ERCC5: variants seen among roughly 807,000 people sequenced by gnomAD.
ERCC5 encodes ERCC excision repair 5, endonuclease, also known as DNA excision repair protein ERCC-5.
A neutral mutation model predicts 105.6 loss-of-function variants in ERCC5; 68 were observed. That is an observed-to-expected ratio of 0.64 (90% CI 0.53 to 0.79). The LOEUF (loss-of-function observed/expected upper bound fraction) is 0.79, where lower values mean the gene tolerates loss of function less well. ERCC5 is among the 30% of genes least tolerant of loss of function. ERCC5 has a pLI of 0.00. For missense variants in ERCC5, 1,373 were observed against 1,426.7 expected (o/e 0.96, Z 0.61); for synonymous variants, 546 against 526.2 (o/e 1.04, Z -0.51).
In ERCC5 at chr13:102,853,885, T is replaced by C. The variant is rs761971446; in HGVS notation, c.380+13T>C. ...TCAGAAGCAAAAGGCAAGAGGAAAA[T>C]TATAGTCGTGTTAGAGATGAAGTTT... On this transcript the variant is annotated intron_variant, in intron 3 of 14. Transcript: ENST00000652225. 6.2e-7 allele frequency: 1 copy of C among 1,611,078 alleles called. No homozygotes were observed. The highest frequency in any genetic ancestry group is 1.3e-5 in the African/African-American group (1 of 74,814).
chr13:102,849,286 A>G (rs1380695261), intron 1 of ERCC5: 2 of 518,234 alleles, frequency 3.9e-6, no homozygotes, highest in Admixed American at 3.9e-5. Flanking sequence ...TGGTTTCCTT[A>G]TAATCTGTTC....
At chr13:102,846,617 A>G (rs1057372404) in intron 1 of ERCC5, among the ~76,000 whole-genome samples, 1 of 152,158 alleles carries the variant, frequency 6.6e-6, no homozygotes, top group African/African-American at 2.4e-5. Context: ...TTTGCATATA[A>G]ACTACCCACT....
At chr13:102,860,141 A>C (rs1257303820) in intron 6 of ERCC5, among the ~76,000 whole-genome samples, 2 of 152,182 alleles carry the variant, frequency 1.3e-5, no homozygotes, top group African/African-American at 4.8e-5. Context: ...TATTTGACTT[A>C]ATGATGGCAC....
At position 102,856,103 on chromosome 13, in the gene ERCC5, A is replaced by G. The variant is rs754604389; in HGVS notation, c.519A>G (p.Gln173=). ...GGCAAGAAAGAATGAATCAAAAACA[A>G]GCATTACAGGTATTTAGATCATTTT... The part of the protein sequence containing the change: ...KEWQERMNQK[Q]ALQEEFFHNP... The change falls in exon 5 of 15, where the codon CAA becomes CAG. Residue 173 remains glutamine (Q), a synonymous_variant. Coordinates refer to ENST00000652225, the MANE Select transcript of ERCC5 (RefSeq NM_000123.4). 3.1e-6 allele frequency: 5 copies of G among 1,613,694 alleles called. No individual in the cohort carries two copies.
chr13:102,851,652 A>G (rs2140516752), intron 1 of ERCC5, among the ~76,000 whole-genome samples: 1 of 152,306 alleles, frequency 6.6e-6, no homozygotes, highest in African/African-American at 2.4e-5. Context: ...TTATATTTTC[A>G]TTATTATAAA....
At position 102,875,356 on chromosome 13, in the gene ERCC5, A is replaced by C; in HGVS notation, c.3014A>C (p.Glu1005Ala). Residue 1005 changes from glutamate (E) to alanine (A), a missense_variant, in exon 15 of 15, where the codon GAA becomes GCA. Physicochemically the swap from Glu to Ala is moderately radical, Grantham distance 107. Transcript: ENST00000652225. ...TTTAGATTAGCACAACAGGAGAAAGAAGATGCTAAACGTATTAAGAGCCAG... is the reference window on the plus strand; with the variant it reads ...TTTAGATTAGCACAACAGGAGAAAGCAGATGCTAAACGTATTAAGAGCCAG... Reference protein sequence around the residue: ...SFFRLAQQEKEDAKRIKSQRL... With the variant: ...SFFRLAQQEKADAKRIKSQRL... 1 of 1,614,012 alleles carries C rather than the reference A, an allele frequency of 6.2e-7. No individual in the cohort carries two copies. The highest frequency in any genetic ancestry group is 8.5e-7 in the Non-Finnish European group (1 of 1,180,008).
In ERCC5 at chr13:102,875,595, G is replaced by A. The variant is rs760907430; in HGVS notation, c.3253G>A (p.Gly1085Ser). ...AGATTCTAAAGGAAAGAATACATGC[G>A]GTGGATTTTTGGGGGAGACCTGCCT... Reference protein sequence around the residue: ...LSDSKGKNTCGGFLGETCLSE... With the variant: ...LSDSKGKNTCSGFLGETCLSE... The change falls in exon 15 of 15, where the codon GGT becomes AGT. Residue 1085 changes from glycine to serine, a missense_variant. Around this residue, in one of 3 missense-constraint regions of ERCC5, gnomAD observed 367 missense variants for 350.2 expected, o/e 1.05. Transcript: ENST00000652225. 1.8e-5 allele frequency: 29 copies of A among 1,613,442 alleles called. No individual in the cohort carries two copies. Among genetic ancestry groups the A allele is most frequent in the East Asian group, 1.1e-4 (5 of 44,888 alleles).
chr13:102,849,035 T>C (rs1315938969), intron 1 of ERCC5: 2 of 428,804 alleles, frequency 4.7e-6, no homozygotes, highest in African/African-American at 4.1e-5. Flanking sequence ...CTAGATTTCC[T>C]CACTGAAGTT....
Position 102,861,536 on chromosome 13 carries a change from C to T in ERCC5, c.702C>T (p.Leu234=). The change falls in exon 7 of 15, where the codon CTC becomes CTT. Residue 234 remains leucine, a synonymous_variant. Transcript: ENST00000652225. ...CTGATGACTTTTCACAGTACCAACT[C>T]AAAGGCTTGCTTAAAAAGAACTATC... ...EESDDFSQYQ[L]KGLLKKNYLN... is the part of the protein sequence containing the mutation. The T allele has an allele frequency of 6.2e-7, 1 of 1,614,088 alleles. No individual in the cohort carries two copies. The highest frequency in any genetic ancestry group is 1.1e-5 in the South Asian group (1 of 91,078).
chr13:102,868,764 C>T (rs3783236), intron 12 of ERCC5, among the ~76,000 whole-genome samples: 62,893 of 152,088 alleles, frequency 0.41, 13,825 homozygotes, highest in East Asian at 0.75. Flanking sequence ...TGTTTCTCAC[C>T]ATGTGAATCC....
In ERCC5 at chr13:102,873,318, T is replaced by C. The variant is rs1033861973; in HGVS notation, c.2939T>C (p.Val980Ala). ...RTKTDESLFP[V>A]LKQLDAQQTQ... is the part of the protein sequence containing the mutation. Reference sequence around the variant, plus strand: ...AAGACAGATGAATCTCTGTTTCCTGTATTAAAGCAACTCGATGCCCAGCAG... The same window carrying C: ...AAGACAGATGAATCTCTGTTTCCTGCATTAAAGCAACTCGATGCCCAGCAG... Residue 980 changes from valine (V) to alanine (A), a missense_variant, in exon 14 of 15, where the codon GTA becomes GCA. Transcript: ENST00000652225. 6.2e-7 allele frequency: 1 copy of C among 1,614,128 alleles called. No individual in the cohort carries two copies. Among genetic ancestry groups the C allele is most frequent in the Non-Finnish European group, 8.5e-7 (1 of 1,179,996 alleles).
At chr13:102,861,844 T>C in intron 7 of ERCC5, 130 bp downstream of exon 7, 2 of 1,351,960 alleles carry the variant, frequency 1.5e-6, no homozygotes, top group Non-Finnish European at 1.0e-6. Flanking sequence ...TATACTGCTA[T>C]TAATGGATTA....
rs113688496 is a variant in ERCC5, at chr13:102,875,678, T to A, written c.3336T>A (p.Asn1112Lys). Reference sequence around the variant, plus strand: ...ATGCTGAAAGTTCATCTTTAATGAATGTACAAAGGAGAACAGCTGCGAAAG... The same window carrying A: ...ATGCTGAAAGTTCATCTTTAATGAAAGTACAAAGGAGAACAGCTGCGAAAG... ...SEDAESSSLMNVQRRTAAKEP... is the reference protein window; with the variant it reads ...SEDAESSSLMKVQRRTAAKEP... Residue 1112 changes from asparagine (N) to lysine (K), a missense_variant, in exon 15 of 15, where the codon AAT (asparagine) becomes AAA (lysine). This residue lies in a region of ERCC5 where 367 missense variants were observed against 350.2 expected (regional missense o/e 1.05). Transcript: ENST00000652225. 1 of 1,614,128 alleles carries A rather than the reference T, an allele frequency of 6.2e-7. No individual in the cohort carries two copies. Among genetic ancestry groups the A allele is most frequent in the East Asian group, 2.2e-5 (1 of 44,880 alleles).
At position 102,875,311 on chromosome 13, in the gene ERCC5, A is replaced by C. The variant is rs754829821; in HGVS notation, c.2969A>C (p.Gln990Pro). ...ATTCTTTTGTTATTTTTTTAGACAC[A>C]GCTCCGAATTGATTCCTTCTTTAGA... Reference protein sequence around the residue: ...VLKQLDAQQTQLRIDSFFRLA... With the variant: ...VLKQLDAQQTPLRIDSFFRLA... Residue 990 changes from glutamine (Q) to proline (P), a missense_variant, in exon 15 of 15, where the codon CAG becomes CCG. Coordinates refer to ENST00000652225, the MANE Select transcript of ERCC5 (RefSeq NM_000123.4). The C allele has an allele frequency of 6.2e-7, 1 of 1,613,730 alleles. No homozygotes were observed. Among genetic ancestry groups the C allele is most frequent in the South Asian group, 1.1e-5 (1 of 90,872 alleles).
rs747042461 is a variant in ERCC5 at position 102,872,165 on chromosome 13, G to A, written c.2679-33G>A. On this transcript the variant is annotated intron_variant, in intron 12 of 14. Transcript: ENST00000652225. ...AGTGTATGAACTATAATGTCTCATT[G>A]CTGTGTAAGTAATTGTTTCCTTTAT... is the stretch of plus-strand genomic sequence containing the variant. 6 of 1,606,814 alleles carry A rather than the reference G, an allele frequency of 3.7e-6. No homozygotes were observed. The East Asian group carries it at 9.0e-5, about 24-fold the overall frequency.
intron 14 of ERCC5, among the ~76,000 whole-genome samples, chr13:102,875,030 G>T (rs960286321): frequency 1.3e-5 from 2 of 152,158 alleles, no homozygotes; most frequent in Non-Finnish European, 2.9e-5. Flanking sequence ...AATATTTAAC[G>T]CTCTTTGAAT....
chr13:102,875,961 G>C lies in ERCC5; in HGVS notation c.*58G>C. 3 of 1,583,442 alleles carry C rather than the reference G, an allele frequency of 1.9e-6. No homozygotes were observed. The Admixed American group carries it at 5.0e-5, about 27-fold the overall frequency. On this transcript the variant is annotated 3_prime_UTR_variant, in exon 15 of 15. Coordinates refer to ENST00000652225, the MANE Select transcript of ERCC5 (RefSeq NM_000123.4). ...GACAGCCATTTGTAATGAATTTGTC[G>C]CAAAGACGTAATAAAATTAACTGGT...
At position 102,875,202 on chromosome 13, in the gene ERCC5, CA is replaced by C. The variant is rs961472510; in HGVS notation, c.2965-104del. ...GAGATAATGAATTAATATTCTCTGA[CA>C]TAGTAATCCAATGTGAGTGATCAAG... On this transcript the variant is annotated intron_variant, in intron 14 of 14. Transcript: ENST00000652225. The C allele has an allele frequency of 2.7e-5, 34 of 1,257,010 alleles. 1 individual carries two copies. The highest frequency in any genetic ancestry group is 3.7e-5 in the Non-Finnish European group (33 of 895,004). 77.9% of individuals were successfully genotyped at this position (1,257,010 alleles called of 1,614,324 possible). A position where few individuals can be genotyped will look rare whatever the true frequency, so the allele number is the denominator to read the frequency against.
intron 10 of ERCC5, 84 bp downstream of exon 10, chr13:102,866,465 GCC>G: frequency 6.2e-7 from 1 of 1,611,158 alleles, no homozygotes; most frequent in South Asian, 1.1e-5. Context: ...TATGCACTGT[GCC>G]CCCTGGTGCT....
Sources: allele counts gnomAD v4.1 joint callset (sites outside exome capture counted in the v4.1 genomes callset), GRCh38; gene constraint gnomAD v4.1.1; regional missense constraint gnomAD v4.1.1; transcripts MANE v1.5; gene names NCBI Gene and HGNC (gene_info 2026-07-23, HGNC 2026-07-21).